The following SCFD2 variants were observed in gnomAD, a reference collection of about 807,000 sequenced individuals.
SCFD2 encodes the protein sec1 family domain-containing protein 2.
Under a neutral mutation model 58.9 loss-of-function variants are expected in SCFD2, and 54 were observed. The observed-to-expected ratio is 0.92, with a 90% confidence interval of 0.74 to 1.15. The LOEUF is 1.15. SCFD2 is among the 50% of genes most tolerant of loss of function. SCFD2 has a pLI of 0.00. For synonymous variants in SCFD2, 321 were observed against 335.9 expected, an observed-to-expected ratio of 0.96 and a Z score of 0.49; for missense variants, 805 against 836.6, an observed-to-expected ratio of 0.96 and a Z score of 0.47.
At chr4:53,050,926 A>G (rs1723173072) in intron 5 of SCFD2, among the ~76,000 whole-genome samples, 1 of 152,128 alleles carries the variant, frequency 6.6e-6, no homozygotes, top group Non-Finnish European at 1.5e-5. Flanking sequence ...AAGCTTAGGG[A>G]GACCTTCCCT....
intron 4 of SCFD2, among the ~76,000 whole-genome samples, chr4:53,247,721 C>A (rs543502534): frequency 1.3e-5 from 2 of 149,756 alleles, no homozygotes; most frequent in East Asian, 2.0e-4. Flanking sequence ...ATTAGCCGGG[C>A]GCGGTGGCGG....
At chr4:53,127,059 T>A (rs1489021870) in intron 5 of SCFD2, among the ~76,000 whole-genome samples, 2 of 152,202 alleles carry the variant, frequency 1.3e-5, no homozygotes, top group Non-Finnish European at 2.9e-5. Flanking sequence ...AAACAGCTAA[T>A]TTAACCCAAA....
intron 5 of SCFD2, among the ~76,000 whole-genome samples, chr4:53,141,862 A>C (rs1180755438): frequency 6.6e-6 from 1 of 152,094 alleles, no homozygotes. Context: ...TCAGAGAAAG[A>C]CCAATTTGCT....
At chr4:53,259,160 T>G (rs577811998) in intron 4 of SCFD2, among the ~76,000 whole-genome samples, 1 of 152,366 alleles carries the variant, frequency 6.6e-6, no homozygotes, top group Admixed American at 6.5e-5. Context: ...TTTCTCCCAC[T>G]CTGTGGGTTG....
At chr4:53,273,638 A>T (rs1731239972) in intron 4 of SCFD2, 188 bp downstream of exon 4, 15 of 488,168 alleles carry the variant, frequency 3.1e-5, no homozygotes, top group Middle Eastern at 5.5e-4. Flanking sequence ...TACTGTCAAA[A>T]TTTTTTTTTA....
chr4:53,307,783 CA>C (rs1732562583), intron 3 of SCFD2, among the ~76,000 whole-genome samples: 1 of 152,098 alleles, frequency 6.6e-6, no homozygotes, highest in South Asian at 2.1e-4. Context: ...GCTAGTTTTC[CA>C]GGTGTTAGAA....
At chr4:52,897,066 T>C (rs1317214413) in intron 7 of SCFD2, among the ~76,000 whole-genome samples, 1 of 152,244 alleles carries the variant, frequency 6.6e-6, no homozygotes, top group Non-Finnish European at 1.5e-5. Context: ...GCTGAGACGA[T>C]GGGGTTTTCT....
intron 4 of SCFD2, among the ~76,000 whole-genome samples, chr4:53,238,199 C>T (rs1729734856): frequency 1.4e-5 from 2 of 141,896 alleles, no homozygotes; most frequent in Non-Finnish European, 1.6e-5. Flanking sequence ...CCACCTCCCT[C>T]CCGGACGGGG....
intron 3 of SCFD2, among the ~76,000 whole-genome samples, chr4:53,281,251 A>AT (rs1392203229): frequency 6.6e-6 from 1 of 152,198 alleles, no homozygotes; most frequent in Non-Finnish European, 1.5e-5. Context: ...CTGTGCTAAT[A>AT]TTTTTATCAA....
intron 5 of SCFD2, among the ~76,000 whole-genome samples, chr4:52,971,231 G>A (rs193106997): frequency 1.3e-5 from 2 of 152,264 alleles, no homozygotes; most frequent in Admixed American, 6.5e-5. Flanking sequence ...GCAAAAGGAG[G>A]AAGTTTGAAC....
intron 4 of SCFD2, among the ~76,000 whole-genome samples, chr4:53,177,341 GA>G (rs1213164810): frequency 6.6e-6 from 1 of 152,204 alleles, no homozygotes; most frequent in African/African-American, 2.4e-5. Context: ...ATCAGGTAAA[GA>G]AAGCATCCTG....
chr4:52,991,584 G>A (rs1041876468), intron 5 of SCFD2, among the ~76,000 whole-genome samples: 5 of 152,294 alleles, frequency 3.3e-5, no homozygotes, highest in Admixed American at 6.5e-5. Flanking sequence ...TTCACTGAAG[G>A]CTCAGGGAGA....
chr4:53,147,719 T>C (rs921519191), intron 4 of SCFD2, among the ~76,000 whole-genome samples: 2 of 152,208 alleles, frequency 1.3e-5, no homozygotes, highest in African/African-American at 4.8e-5. Flanking sequence ...TAGGCCACAT[T>C]AGAAGAAGAA....
Position 53,061,469 on chromosome 4 carries a change from T to C in SCFD2, c.1561+83864A>G, listed in dbSNP as rs75149715. ...AAATCATATGGACCACCATGATTCA[T>C]CCAGTCCATTCCTGTCTTAGGAATC... On this transcript the variant is annotated intron_variant, in intron 5 of 8. Coordinates refer to ENST00000401642, the MANE Select transcript of SCFD2 (RefSeq NM_152540.4). 3.5e-3 allele frequency among the ~76,000 whole-genome samples: 539 copies of C among 152,278 alleles called. 1 individual carries two copies. The highest frequency in any genetic ancestry group is 0.012 in the African/African-American group (519 of 41,564).
intron 2 of SCFD2, among the ~76,000 whole-genome samples, chr4:53,334,866 T>A (rs1733626057): frequency 6.6e-6 from 1 of 152,188 alleles, no homozygotes; most frequent in East Asian, 1.9e-4. Context: ...AACATCACTA[T>A]AAGTGGACGA....
intron 4 of SCFD2, among the ~76,000 whole-genome samples, chr4:53,159,859 T>C (rs1333997088): frequency 6.6e-6 from 1 of 152,168 alleles, no homozygotes; most frequent in Non-Finnish European, 1.5e-5. Flanking sequence ...GTGAACCCAG[T>C]ATATGCTGTG....
At chr4:53,029,979 T>C (rs1722575376) in intron 5 of SCFD2, among the ~76,000 whole-genome samples, 1 of 152,142 alleles carries the variant, frequency 6.6e-6, no homozygotes, top group African/African-American at 2.4e-5. Flanking sequence ...AATTGGTAAA[T>C]TGAATATAAT....
intron 5 of SCFD2, among the ~76,000 whole-genome samples, chr4:53,064,721 T>C (rs1723608441): frequency 6.6e-6 from 1 of 152,120 alleles, no homozygotes; most frequent in Non-Finnish European, 1.5e-5. Flanking sequence ...ATCACAGTCT[T>C]AAAATATCTC....
intron 5 of SCFD2, among the ~76,000 whole-genome samples, chr4:53,082,613 T>C (rs1465620625): frequency 6.6e-6 from 1 of 152,128 alleles, no homozygotes; most frequent in Non-Finnish European, 1.5e-5. Context: ...AGATTCACAT[T>C]TGAATTGGTA....
Sources: gnomAD v4.1 joint callset for allele counts (sites outside exome capture counted in the v4.1 genomes callset) on GRCh38, gnomAD v4.1.1 for gene constraint, MANE v1.5 for transcripts, NCBI Gene and HGNC (gene_info 2026-07-23, HGNC 2026-07-21) for gene names.